Variants in OR51B5 observed in about 807,000 individuals in gnomAD.
OR51B5 encodes the protein olfactory receptor 51B5.
For missense variants in OR51B5, 456 were observed against 374.6 expected (o/e 1.22, Z -1.79); for synonymous variants, 186 against 144.8 (o/e 1.28, Z -2.04).
At chr11:5,404,898 A>G (rs1192442428) in intron 1 of OR51B5, among the ~76,000 whole-genome samples, 1 of 152,194 alleles carries the variant, frequency 6.6e-6, no homozygotes, top group East Asian at 1.9e-4. Context: ...ACCAGAAGGA[A>G]GAAACTCTAG....
intron 1 of OR51B5, among the ~76,000 whole-genome samples, chr11:5,498,484 T>C (rs777336396): frequency 2.6e-5 from 4 of 152,148 alleles, no homozygotes; most frequent in Non-Finnish European, 4.4e-5. Context: ...TTATAAATTA[T>C]TGGGCCATTA....
chr11:5,491,402 T>A lies in OR51B5; in HGVS notation n.84+14167A>T, dbSNP rs550861287. Among the ~76,000 whole-genome samples the A allele has an allele frequency of 1.4e-4, 22 of 152,288 alleles. No individual in the cohort carries two copies. In the Middle Eastern group the frequency reaches 0.01, roughly 71 times the overall value. On this transcript the variant is annotated intron_variant and non_coding_transcript_variant, in intron 1 of 4. Transcript: ENST00000415970. ...TAGTTCAGTTGTGGAGGTAAATTCATGCACAAGGAGCTGTCACAGGTCAGG... is the reference window on the plus strand; with the variant it reads ...TAGTTCAGTTGTGGAGGTAAATTCAAGCACAAGGAGCTGTCACAGGTCAGG...
chr11:5,341,980 A>T (rs926105455), downstream of OR51B5, among the ~76,000 whole-genome samples: 1 of 152,170 alleles, frequency 6.6e-6, no homozygotes, highest in Non-Finnish European at 1.5e-5. Flanking sequence ...ATATGAGTTT[A>T]TGGTTTTTGA....
intron 1 of OR51B5, among the ~76,000 whole-genome samples, chr11:5,468,157 A>G (rs1411736031): frequency 6.6e-6 from 1 of 152,236 alleles, no homozygotes; most frequent in East Asian, 1.9e-4. Flanking sequence ...GAATGTATGC[A>G]TTAGTTTTTG....
chr11:5,398,876 C>T (rs1849923482), intron 1 of OR51B5, among the ~76,000 whole-genome samples: 1 of 152,134 alleles, frequency 6.6e-6, no homozygotes, highest in Admixed American at 6.5e-5. Context: ...TCAATTAAAC[C>T]TCCTTTGTTA....
chr11:5,457,484 T>C (rs1301496125), intron 1 of OR51B5, among the ~76,000 whole-genome samples: 1 of 152,184 alleles, frequency 6.6e-6, no homozygotes. Flanking sequence ...CTCCTTTGGG[T>C]ATATAGTAAT....
At chr11:5,390,386 G>A (rs771670475) in intron 1 of OR51B5, 1 of 1,576,738 alleles carries the variant, frequency 6.3e-7, no homozygotes, top group Non-Finnish European at 8.6e-7. Context: ...ATGAGTCCTG[G>A]GGCTAAAACT....
chr11:5,369,445 CTTT>C (rs1216314674), intron 1 of OR51B5, among the ~76,000 whole-genome samples: 1 of 151,936 alleles, frequency 6.6e-6, no homozygotes, highest in African/African-American at 2.4e-5. Flanking sequence ...ATGAAACAGA[CTTT>C]TTATATATTT....
At chr11:5,406,033 T>C (rs1302181149) in intron 1 of OR51B5, among the ~76,000 whole-genome samples, 1 of 152,206 alleles carries the variant, frequency 6.6e-6, no homozygotes, top group Non-Finnish European at 1.5e-5. Flanking sequence ...TTAGAGTATC[T>C]GTAAAAAGAT....
chr11:5,485,731 A>G (rs937569202), intron 1 of OR51B5, among the ~76,000 whole-genome samples: 1 of 152,120 alleles, frequency 6.6e-6, no homozygotes. Context: ...TGAGATCTGC[A>G]TGGCTAGCTC....
chr11:5,398,435 A>C (rs1286195817), intron 1 of OR51B5, among the ~76,000 whole-genome samples: 1 of 152,102 alleles, frequency 6.6e-6, no homozygotes, highest in African/African-American at 2.4e-5. Flanking sequence ...TTTTCAAAAA[A>C]TGGGCAGCAT....
intron 1 of OR51B5, among the ~76,000 whole-genome samples, chr11:5,415,811 A>G (rs747373658): frequency 7.2e-5 from 11 of 152,102 alleles, no homozygotes; most frequent in Non-Finnish European, 1.5e-4. Context: ...AAGAGTCCAG[A>G]ACCAGATGGA....
chr11:5,389,158 G>A lies in OR51B5; in HGVS notation n.85-42248C>T, dbSNP rs79220377. 1.5e-3 allele frequency among the ~76,000 whole-genome samples: 230 copies of A among 152,228 alleles called. 3 individuals carry two copies. In the East Asian group the frequency reaches 0.038, roughly 25 times the overall value. The stretch of plus-strand genomic sequence containing the variant: ...TATACTTAAGGGTTGAGCAATAAAG[G>A]CACACCAGCAAAGAGGCAGAGAGGA... On this transcript the variant is annotated intron_variant and non_coding_transcript_variant, in intron 1 of 4. Transcript: ENST00000415970.
At chr11:5,442,541 T>C (rs989567978) in intron 1 of OR51B5, among the ~76,000 whole-genome samples, 1 of 152,142 alleles carries the variant, frequency 6.6e-6, no homozygotes, top group Non-Finnish European at 1.5e-5. Context: ...AAAGATGCGA[T>C]AACATTCTTC....
rs1348345294 is a variant in OR51B5 at position 5,375,178 on chromosome 11, T to C, written n.85-28268A>G. On this transcript the variant is annotated intron_variant and non_coding_transcript_variant, in intron 1 of 4. Transcript: ENST00000415970. Reference sequence around the variant, plus strand: ...GCCAGAAGAGAGTGGGGGCCAATATTCAACATCCTTAAAGGAAAGAATTTT... The same window carrying C: ...GCCAGAAGAGAGTGGGGGCCAATATCCAACATCCTTAAAGGAAAGAATTTT... Among the ~76,000 whole-genome samples, 6 of 146,932 alleles carry C rather than the reference T, an allele frequency of 4.1e-5. No individual in the cohort carries two copies. In the Admixed American group the frequency reaches 4.1e-4, roughly 10 times the overall value.
At chr11:5,415,216 T>C (rs1351682702) in intron 1 of OR51B5, among the ~76,000 whole-genome samples, 3 of 151,224 alleles carry the variant, frequency 2.0e-5, no homozygotes, top group Non-Finnish European at 4.4e-5. Flanking sequence ...AAAGATTTTC[T>C]TTGAAACCAA....
At chr11:5,415,152 G>A (rs1043435771) in intron 1 of OR51B5, among the ~76,000 whole-genome samples, 84 of 152,022 alleles carry the variant, frequency 5.5e-4, no homozygotes, top group Non-Finnish European at 3.1e-4. Flanking sequence ...CATGGAAACT[G>A]AACAACCTGC....
chr11:5,504,282 A>G (rs317786), intron 1 of OR51B5, among the ~76,000 whole-genome samples: 148,655 of 152,298 alleles, frequency 0.98, 72,662 homozygotes, highest in East Asian at 1. Context: ...CTACTTTCCT[A>G]GCTAATTGTT....
intron 1 of OR51B5, among the ~76,000 whole-genome samples, chr11:5,480,007 C>T (rs1418357999): frequency 7.3e-5 from 11 of 150,366 alleles, no homozygotes; most frequent in African/African-American, 2.7e-4. Context: ...CTGCACCAAG[C>T]AGACCTAATA....
Sources: gnomAD v4.1 joint callset for allele counts (sites outside exome capture counted in the v4.1 genomes callset) on GRCh38, gnomAD v4.1.1 for gene constraint, MANE v1.5 for transcripts, NCBI Gene and HGNC (gene_info 2026-07-23, HGNC 2026-07-21) for gene names.